The following PHF24 variants were observed in gnomAD, a reference collection of about 807,000 sequenced individuals.
The protein encoded by PHF24 is PHD finger protein 24.
A neutral mutation model predicts 42.6 loss-of-function variants in PHF24; 25 were observed. The ratio of observed to expected loss-of-function variants is 0.59; its 90% CI spans 0.43 to 0.82. The LOEUF is 0.82. PHF24 is among the 40% of genes least tolerant of loss of function. The probability of loss-of-function intolerance (pLI) is 0.00; values close to 1 mark genes in which losing one functional copy is unlikely to be tolerated. For synonymous variants in PHF24, 185 were observed against 204.8 expected (o/e 0.90, Z 0.83); for missense variants, 470 against 538.1 (o/e 0.87, Z 1.25).
At chr9:34,725,768 G>A in the PHF24 span, 1 of 1,549,798 alleles carries the variant, frequency 6.5e-7, no homozygotes, top group African/African-American at 1.4e-5. Context: ...AAGTGGGGAA[G>A]AGGGTGGGGC....
the PHF24 span, among the ~76,000 whole-genome samples, chr9:34,831,926 T>G: frequency 6.6e-6 from 1 of 152,296 alleles, no homozygotes; most frequent in Non-Finnish European, 1.5e-5. Flanking sequence ...GACATCTGTC[T>G]TATTAGATAT....
At chr9:34,882,091 A>G in the PHF24 span, among the ~76,000 whole-genome samples, 4 of 152,322 alleles carry the variant, frequency 2.6e-5, no homozygotes, top group East Asian at 7.7e-4. Flanking sequence ...CCATCATATA[A>G]ACAGAACCAA....
the PHF24 span, among the ~76,000 whole-genome samples, chr9:34,903,708 T>G: frequency 6.6e-6 from 1 of 152,216 alleles, no homozygotes; most frequent in African/African-American, 2.4e-5. Flanking sequence ...GGAAAGGCAT[T>G]AGGTTGTCAC....
exon 8 of PHF24, chr9:34,982,467 C>G (rs1473871454): frequency 6.6e-6 from 1 of 152,262 alleles, no homozygotes; most frequent in African/African-American, 2.4e-5. Context: ...CGTGGCCCAG[C>G]CTTCACAGCG....
chr9:34,743,767 G>A, the PHF24 span, among the ~76,000 whole-genome samples: 1 of 152,078 alleles, frequency 6.6e-6, no homozygotes, highest in Non-Finnish European at 1.5e-5. Flanking sequence ...CTTTCCCTAT[G>A]TCTTAGTCTG....
the PHF24 span, among the ~76,000 whole-genome samples, chr9:34,721,557 C>T: frequency 1.1e-4 from 16 of 152,072 alleles, no homozygotes; most frequent in African/African-American, 1.2e-4. Flanking sequence ...ATTACAGGTG[C>T]GCACCACCAC....
chr9:34,725,781 A>T, the PHF24 span: 1 of 1,548,664 alleles, frequency 6.5e-7, no homozygotes, highest in Non-Finnish European at 8.7e-7. Context: ...GGTGGGGCTG[A>T]CTGGGGTGAA....
chr9:34,966,221 T>C (rs1477153438), intron 1 of PHF24, among the ~76,000 whole-genome samples: 4 of 152,216 alleles, frequency 2.6e-5, no homozygotes, highest in Admixed American at 2.6e-4. Context: ...GTTTCTGATA[T>C]ACACCTCCCA....
chr9:34,972,592 G>T, intron 3 of PHF24, 61 bp downstream of exon 3: 1 of 1,483,044 alleles, frequency 6.7e-7, no homozygotes, highest in Non-Finnish European at 9.1e-7. Flanking sequence ...CCCGGTCTTA[G>T]AACACTTGAT....
At chr9:34,912,489 C>T in the PHF24 span, among the ~76,000 whole-genome samples, 1 of 152,144 alleles carries the variant, frequency 6.6e-6, no homozygotes, top group Non-Finnish European at 1.5e-5. Context: ...AGTCCATACT[C>T]ACCACTAAGC....
the PHF24 span, among the ~76,000 whole-genome samples, chr9:34,930,432 C>T: frequency 4.6e-5 from 7 of 152,182 alleles, no homozygotes; most frequent in African/African-American, 9.7e-5. Context: ...GAAGGAGGCA[C>T]CCAGAATCCT....
the PHF24 span, among the ~76,000 whole-genome samples, chr9:34,670,902 C>G: frequency 6.6e-6 from 1 of 152,152 alleles, no homozygotes; most frequent in Non-Finnish European, 1.5e-5. Context: ...AAGGTCCTCT[C>G]CCAGATTCTC....
chr9:34,835,617 T>C, the PHF24 span: 1 of 1,551,678 alleles, frequency 6.4e-7, no homozygotes. Flanking sequence ...GTGGAGCCCT[T>C]GGCTTGTCAA....
the PHF24 span, among the ~76,000 whole-genome samples, chr9:34,749,013 A>G: frequency 6.6e-6 from 1 of 152,156 alleles, no homozygotes; most frequent in Non-Finnish European, 1.5e-5. Flanking sequence ...AGAAATTGGT[A>G]TAATTAAAAA....
chr9:34,974,482 G>T (rs564677157), intron 3 of PHF24, among the ~76,000 whole-genome samples: 137 of 152,194 alleles, frequency 9.0e-4, no homozygotes, highest in African/African-American at 3.1e-3. Flanking sequence ...TGTAACCACC[G>T]TTAACATTAC....
the PHF24 span, among the ~76,000 whole-genome samples, chr9:34,666,686 G>T: frequency 1.3e-5 from 2 of 151,802 alleles, no homozygotes; most frequent in African/African-American, 4.8e-5. Flanking sequence ...GGTGGCTCAC[G>T]CCTTTAATCC....
chr9:34,826,036 G>A, the PHF24 span, among the ~76,000 whole-genome samples: 2 of 152,066 alleles, frequency 1.3e-5, no homozygotes, highest in African/African-American at 2.4e-5. Context: ...GAACACGAGA[G>A]AAGTTTATAG....
At chr9:34,861,683 C>T in the PHF24 span, among the ~76,000 whole-genome samples, 32 of 152,134 alleles carry the variant, frequency 2.1e-4, no homozygotes, top group African/African-American at 5.5e-4. Flanking sequence ...AATGTAAACA[C>T]GTATGGGAGA....
chr9:34,956,666 A>G (rs1826381047), upstream of PHF24, among the ~76,000 whole-genome samples: 1 of 152,252 alleles, frequency 6.6e-6, no homozygotes. Context: ...TAAAACACTT[A>G]CTAAAAACAG....
Sources: gnomAD v4.1 joint callset for allele counts (sites outside exome capture counted in the v4.1 genomes callset) on GRCh38, gnomAD v4.1.1 for gene constraint, MANE v1.5 for transcripts, NCBI Gene and HGNC (gene_info 2026-07-23, HGNC 2026-07-21) for gene names.